The following PDE4B variants were observed in gnomAD, a reference collection of about 807,000 sequenced individuals.
PDE4B encodes the protein phosphodiesterase 4B, also known as 3',5'-cyclic-AMP phosphodiesterase 4B.
In PDE4B, 20 loss-of-function variants were observed where a neutral mutation model predicts 82.2. The ratio of observed to expected loss-of-function variants is 0.24; its 90% CI spans 0.17 to 0.35. The LOEUF (loss-of-function observed/expected upper bound fraction) is 0.35, where lower values mean the gene tolerates loss of function less well. Ranked by LOEUF, PDE4B falls within the 10% of genes least tolerant of loss-of-function variation. PDE4B has a pLI of 1.00. For missense variants in PDE4B, 655 were observed against 907.2 expected (o/e 0.72, Z 3.57); for synonymous variants, 320 against 318.9 (o/e 1.00, Z -0.04).
intron 3 of PDE4B, among the ~76,000 whole-genome samples, chr1:66,207,402 T>C (rs1397516465): frequency 6.6e-6 from 1 of 152,226 alleles, no homozygotes; most frequent in Non-Finnish European, 1.5e-5. Context: ...ATTTTGATGT[T>C]GTAAATATTT....
intron 3 of PDE4B, chr1:66,050,843 G>T (rs1005332077): frequency 2.0e-5 from 3 of 152,112 alleles, no homozygotes; most frequent in African/African-American, 7.2e-5. Context: ...CCCTGTCATG[G>T]ACATCCAAAG....
intron 3 of PDE4B, among the ~76,000 whole-genome samples, chr1:65,983,738 C>T (rs542300308): frequency 5.3e-5 from 8 of 152,108 alleles, no homozygotes; most frequent in East Asian, 1.9e-4. Context: ...GCTTCCAGAA[C>T]AGTGAGACAA....
At chr1:65,914,482 T>C (rs1411738734) in intron 2 of PDE4B, among the ~76,000 whole-genome samples, 1 of 148,906 alleles carries the variant, frequency 6.7e-6, no homozygotes, top group Non-Finnish European at 1.5e-5. Flanking sequence ...TTTTTTTTTT[T>C]CTTTCTTCCT....
Position 66,244,161 on chromosome 1 carries a change from C to A in PDE4B, c.282-3299C>A, listed in dbSNP as rs561194293. Among the ~76,000 whole-genome samples the A allele has an allele frequency of 7.2e-5, 11 of 152,124 alleles. No individual in the cohort carries two copies. In the East Asian group the frequency reaches 2.1e-3, roughly 29 times the overall value. On this transcript the variant is annotated intron_variant, in intron 3 of 16. Transcript: ENST00000341517. ...GATACAGCAACTGAATGAAGCAGCTCATGGAAAATGCTAATTCTGAAAACT... is the reference window on the plus strand; with the variant it reads ...GATACAGCAACTGAATGAAGCAGCTAATGGAAAATGCTAATTCTGAAAACT...
chr1:65,865,844 C>T (rs1340470787), intron 1 of PDE4B, among the ~76,000 whole-genome samples: 1 of 152,170 alleles, frequency 6.6e-6, no homozygotes, highest in Non-Finnish European at 1.5e-5. Context: ...GCCAGATCCT[C>T]CTGAATTCAG....
In PDE4B at chr1:66,257,633, TCTCTTTTCACCAGACACGGC is replaced by T; in HGVS notation, c.477-13_483del. On this transcript the variant is annotated splice_acceptor_variant and splice_polypyrimidine_tract_variant and coding_sequence_variant and intron_variant, in exon 5 of 17. Coordinates refer to ENST00000341517, the MANE Select transcript of PDE4B (RefSeq NM_002600.4). LOFTEE classifies it high-confidence loss of function. Reference sequence around the variant, plus strand: ...AGTAAATTTCTAAAGGTTCTTTTTTTCTCTTTTCACCAGACACGGCGATGACTTGATTGTAACTCCTTTTG... The same window carrying T: ...AGTAAATTTCTAAAGGTTCTTTTTTTGATGACTTGATTGTAACTCCTTTTG... The T allele has an allele frequency of 6.2e-7, 1 of 1,611,942 alleles. No homozygotes were observed. The highest frequency in any genetic ancestry group is 8.5e-7 in the Non-Finnish European group (1 of 1,178,200).
chr1:65,960,639 A>G (rs1649499188), intron 3 of PDE4B, among the ~76,000 whole-genome samples: 1 of 152,110 alleles, frequency 6.6e-6, no homozygotes, highest in African/African-American at 2.4e-5. Flanking sequence ...ATATAAAAAT[A>G]TATTTTTTCA....
chr1:66,244,370 G>T (rs540729659), intron 3 of PDE4B, among the ~76,000 whole-genome samples: 1 of 151,978 alleles, frequency 6.6e-6, no homozygotes, highest in Non-Finnish European at 1.5e-5. Context: ...CAGCCTAAAG[G>T]TGAAATATGT....
At chr1:66,347,749 A>G (rs1557717392) in intron 8 of PDE4B, among the ~76,000 whole-genome samples, 1 of 152,204 alleles carries the variant, frequency 6.6e-6, no homozygotes, top group Non-Finnish European at 1.5e-5. Context: ...TGTATTCTAC[A>G]TGGTATTTTT....
chr1:65,878,898 TA>T (rs1184630263), intron 1 of PDE4B, among the ~76,000 whole-genome samples: 2 of 151,844 alleles, frequency 1.3e-5, no homozygotes, highest in African/African-American at 4.8e-5. Flanking sequence ...TAAAGTAAAA[TA>T]AAAAAAATTA....
Position 66,139,125 on chromosome 1 carries a change from A to T in PDE4B, c.282-108335A>T, listed in dbSNP as rs115839901. Among the ~76,000 whole-genome samples, 1,243 of 152,322 alleles carry T rather than the reference A, an allele frequency of 8.2e-3. 12 individuals are homozygous for T. Among genetic ancestry groups the T allele is most frequent in the African/African-American group, 0.029 (1,185 of 41,566 alleles). ...ACAAATTAAGTGGCTTAGAATACCA[A>T]CCACTTATTGTCTCATGGTTCTATT... On this transcript the variant is annotated intron_variant, in intron 3 of 16. Coordinates refer to ENST00000341517, the MANE Select transcript of PDE4B (RefSeq NM_002600.4).
chr1:65,855,925 C>G (rs1322944820), intron 1 of PDE4B, among the ~76,000 whole-genome samples: 4 of 152,088 alleles, frequency 2.6e-5, no homozygotes, highest in Admixed American at 2.6e-4. Context: ...TGTATCATCT[C>G]TTTTTCTAGG....
rs547223004 is a variant in PDE4B at position 66,374,004 on chromosome 1, G to A, written c.*1326G>A. 1.6e-4 allele frequency: 24 copies of A among 152,724 alleles called. No homozygotes were observed. The highest frequency in any genetic ancestry group is 5.5e-4 in the African/African-American group (23 of 41,552). The allele number at this position is 152,724 out of a possible 1,614,324, so 9.5% of individuals were successfully genotyped here. A position where few individuals can be genotyped will look rare whatever the true frequency, so the allele number is the denominator to read the frequency against. On this transcript the variant is annotated 3_prime_UTR_variant, in exon 17 of 17. Transcript: ENST00000341517. ...CTTTTGTATAGCTTGATAGGGGCAG[G>A]GGGCAATGGGATGTAGTTTTTACCC...
intron 1 of PDE4B, among the ~76,000 whole-genome samples, chr1:65,897,875 G>A (rs1646928354): frequency 6.6e-6 from 1 of 152,114 alleles, no homozygotes; most frequent in Non-Finnish European, 1.5e-5. Flanking sequence ...GGGTCAAAAG[G>A]TAGTTCTGTT....
Position 66,070,017 on chromosome 1 carries a change from TG to T in PDE4B, c.281+151183del, listed in dbSNP as rs1360984308. Among the ~76,000 whole-genome samples the T allele has an allele frequency of 2.0e-5, 3 of 152,064 alleles. No individual in the cohort carries two copies. The East Asian group carries it at 5.8e-4, about 29-fold the overall frequency. ...TGTGTGTACTATGTATTTTTGTGTT[TG>T]CTCATCGAGGGGGACTTTGAAATCT... On this transcript the variant is annotated intron_variant, in intron 3 of 16. Transcript: ENST00000341517.
At chr1:66,246,235 A>G (rs74531536) in intron 3 of PDE4B, among the ~76,000 whole-genome samples, 4,300 of 152,244 alleles carry the variant, frequency 0.028, 95 homozygotes, top group Middle Eastern at 0.058. Context: ...TATATACTTC[A>G]CAGGGTTGTT....
At chr1:66,213,026 C>T (rs1442575478) in intron 3 of PDE4B, among the ~76,000 whole-genome samples, 1 of 152,222 alleles carries the variant, frequency 6.6e-6, no homozygotes, top group Non-Finnish European at 1.5e-5. Flanking sequence ...AGCAGTGGCT[C>T]AGTCAAGCCT....
intron 3 of PDE4B, among the ~76,000 whole-genome samples, chr1:66,223,842 C>T (rs1243870618): frequency 6.6e-6 from 1 of 152,102 alleles, no homozygotes; most frequent in African/African-American, 2.4e-5. Context: ...TGTAGTCAGC[C>T]ACAGATTTCT....
At chr1:65,798,435 T>A (rs1645657137) in intron 1 of PDE4B, among the ~76,000 whole-genome samples, 1 of 87,724 alleles carries the variant, frequency 1.1e-5, no homozygotes, top group Non-Finnish European at 1.9e-5. Context: ...ATTTTTTGTA[T>A]TTTTAGTAGA....
Sources: allele counts gnomAD v4.1 joint callset (sites outside exome capture counted in the v4.1 genomes callset), GRCh38; gene constraint gnomAD v4.1.1; transcripts MANE v1.5; gene names NCBI Gene and HGNC (gene_info 2026-07-23, HGNC 2026-07-21).